Variants in GREB1 observed in about 807,000 individuals in gnomAD.
The protein encoded by GREB1 is protein GREB1.
GREB1 carries 106 observed loss-of-function variants against 200.7 expected under a neutral mutation model. The ratio of observed to expected loss-of-function variants is 0.53; its 90% CI spans 0.45 to 0.62. GREB1 has a LOEUF of 0.62. Among genes scored for constraint, GREB1 ranks in the 20% least tolerant of loss-of-function variants. GREB1 has a pLI of 0.00. For synonymous variants in GREB1, 1,132 were observed against 1,092.4 expected (o/e 1.04, Z -0.72); for missense variants, 2,243 against 2,556.8 (o/e 0.88, Z 2.65).
chr2:11,514,152 T>C (rs1324115770), intron 1 of GREB1, among the ~76,000 whole-genome samples: 1 of 152,132 alleles, frequency 6.6e-6, no homozygotes, highest in Non-Finnish European at 1.5e-5. Flanking sequence ...AAATGGTGTC[T>C]CCAAATCCCA....
chr2:11,635,346 A>G lies in GREB1; in HGVS notation c.5287A>G (p.Ser1763Gly). Residue 1763 changes from serine to glycine, a missense_variant, in exon 30 of 33, where the codon AGC becomes GGC. Ser to Gly is a moderately conservative substitution (Grantham distance 56). This residue lies in a region of GREB1 where 478 missense variants were observed against 616.3 expected (regional missense o/e 0.78). Coordinates refer to ENST00000381486, the MANE Select transcript of GREB1 (RefSeq NM_014668.4). The part of the protein sequence containing the change: ...GLLLCRFNRF[S>G]VMKKQIVVGG... Reference sequence around the variant, plus strand: ...CCTGCTCTGCCGGTTCAACCGCTTCAGCGTGATGAAGAAGCAGATCGTGGT... The same window carrying G: ...CCTGCTCTGCCGGTTCAACCGCTTCGGCGTGATGAAGAAGCAGATCGTGGT... 1 of 1,614,124 alleles carries G rather than the reference A, an allele frequency of 6.2e-7. No individual in the cohort carries two copies. Among genetic ancestry groups the G allele is most frequent in the Non-Finnish European group, 8.5e-7 (1 of 1,179,990 alleles).
At chr2:11,560,422 C>G (rs568484921) in intron 2 of GREB1, among the ~76,000 whole-genome samples, 1 of 152,078 alleles carries the variant, frequency 6.6e-6, no homozygotes, top group Non-Finnish European at 1.5e-5. Context: ...AGAAGCGGGC[C>G]GGGCATGGTG....
In GREB1 at chr2:11,597,527, C is replaced by T. The variant is rs1444727848; in HGVS notation, c.1955-254C>T. Among the ~76,000 whole-genome samples the T allele has an allele frequency of 6.6e-6, 1 of 152,184 alleles. No homozygotes were observed. The highest frequency in any genetic ancestry group is 2.4e-5 in the African/African-American group (1 of 41,428). On this transcript the variant is annotated intron_variant, in intron 13 of 32. Transcript: ENST00000381486. The surrounding 1 kb of genome is among the most constrained non-coding windows in gnomAD (Gnocchi z 4.1). ...TAAGCAGAAGAGACCACTGCCTCCA[C>T]TGTGCTCCCCAAGTGCTTGGTTCTT...
Position 11,618,648 on chromosome 2 carries a change from T to C in GREB1, c.3773T>C (p.Ile1258Thr), listed in dbSNP as rs1572157613. The change falls in exon 22 of 33, where the codon ATT (isoleucine) becomes ACT (threonine). Residue 1258 changes from isoleucine (I) to threonine (T), a missense_variant. This residue lies in a region of GREB1 where 587 missense variants were observed against 553.1 expected (regional missense o/e 1.06). Coordinates refer to ENST00000381486, the MANE Select transcript of GREB1 (RefSeq NM_014668.4). ...ACCAAGGCCTGCCGCCAGCCACCCA[T>C]TGTCTTCTTGCCCAAGCTCGTGTAC... ...SLTKACRQPP[I>T]VFLPKLVYDM... 2 of 1,613,634 alleles carry C rather than the reference T, an allele frequency of 1.2e-6. No homozygotes were observed. The highest frequency in any genetic ancestry group is 2.2e-5 in the East Asian group (1 of 44,860).
chr2:11,597,683 C>T lies in GREB1; in HGVS notation c.1955-98C>T, dbSNP rs557311699. The T allele has an allele frequency of 2.5e-5, 25 of 1,012,128 alleles. No homozygotes were observed. The highest frequency in any genetic ancestry group is 5.3e-5 in the South Asian group (4 of 75,860). 62.7% of individuals were successfully genotyped at this position (1,012,128 alleles called of 1,614,324 possible). On this transcript the variant is annotated intron_variant, in intron 13 of 32. Transcript: ENST00000381486. The surrounding 1 kb of genome is among the most constrained non-coding windows in gnomAD (Gnocchi z 4.1). Reference sequence around the variant, plus strand: ...TCCCTCATCGCTTTGTGAATGGGGCCGTCTCCCCTGGACAGGTCTCACTGA... The same window carrying T: ...TCCCTCATCGCTTTGTGAATGGGGCTGTCTCCCCTGGACAGGTCTCACTGA...
At chr2:11,611,781 A>G (rs985015574) in intron 18 of GREB1, among the ~76,000 whole-genome samples, 4 of 152,226 alleles carry the variant, frequency 2.6e-5, no homozygotes, top group Non-Finnish European at 4.4e-5. Context: ...CCTGGCCCAT[A>G]GTAGGTTCTC....
rs776534737 is a variant in GREB1 at position 11,598,662 on chromosome 2, A to T, written c.2153-18A>T. On this transcript the variant is annotated intron_variant, in intron 14 of 32. Coordinates refer to ENST00000381486, the MANE Select transcript of GREB1 (RefSeq NM_014668.4). Reference sequence around the variant, plus strand: ...TGCGCATGTTTGCAGTTACTGATGTATGTTCTTTGTGTTGCAGGGGTTTTG... The same window carrying T: ...TGCGCATGTTTGCAGTTACTGATGTTTGTTCTTTGTGTTGCAGGGGTTTTG... The T allele has an allele frequency of 3.0e-5, 49 of 1,612,396 alleles. 1 individual carries two copies. In the East Asian group the frequency reaches 1.0e-3, roughly 34 times the overall value.
At chr2:11,628,094 G>C (rs982083456) in intron 25 of GREB1, among the ~76,000 whole-genome samples, 6 of 152,154 alleles carry the variant, frequency 3.9e-5, no homozygotes, top group Admixed American at 3.3e-4. Flanking sequence ...TGCCTGGTGG[G>C]CACTGTGGGG....
In GREB1 at chr2:11,597,695, A is replaced by G. The variant is rs1235489607; in HGVS notation, c.1955-86A>G. ...TTGTGAATGGGGCCGTCTCCCCTGG[A>G]CAGGTCTCACTGATTCTCTGGCCAA... On this transcript the variant is annotated intron_variant, in intron 13 of 32. Transcript: ENST00000381486. The surrounding 1 kb of genome is among the most constrained non-coding windows in gnomAD (Gnocchi z 4.1). 8.5e-7 allele frequency: 1 copy of G among 1,174,552 alleles called. No individual in the cohort carries two copies. Among genetic ancestry groups the G allele is most frequent in the Non-Finnish European group, 1.3e-6 (1 of 782,742 alleles). The allele number at this position is 1,174,552 out of a possible 1,614,324, so 72.8% of individuals were successfully genotyped here. A position where few individuals can be genotyped will look rare whatever the true frequency, so the allele number is the denominator to read the frequency against.
upstream of GREB1, among the ~76,000 whole-genome samples, chr2:11,533,522 G>A (rs187337481): frequency 1.2e-4 from 19 of 152,300 alleles, no homozygotes; most frequent in African/African-American, 2.9e-4. Context: ...GCTCCACAGC[G>A]TCCCTGAGAC....
At chr2:11,514,303 T>G (rs1673429136) in intron 1 of GREB1, among the ~76,000 whole-genome samples, 1 of 150,642 alleles carries the variant, frequency 6.6e-6, no homozygotes, top group East Asian at 2.0e-4. Context: ...TACGTAAATA[T>G]GGAAAAAGTG....
chr2:11,587,737 A>ACG lies in GREB1; in HGVS notation c.1160-1008_1160-1007insGC, dbSNP rs1390303645. Reference sequence around the variant, plus strand: ...CACACACACACACACACACACACACACACACGCCACCTTTGGGAGCTCAGC... The same window carrying ACG: ...CACACACACACACACACACACACACACGCACACGCCACCTTTGGGAGCTCAGC... On this transcript the variant is annotated intron_variant, in intron 9 of 32. Transcript: ENST00000381486. The ACG allele has an allele frequency of 1.3e-3, 929 of 733,998 alleles. 58 individuals are homozygous for ACG. The highest frequency in any genetic ancestry group is 1.0e-2 in the African/African-American group (516 of 51,782). 45.5% of individuals were successfully genotyped at this position (733,998 alleles called of 1,614,324 possible). A position where few individuals can be genotyped will look rare whatever the true frequency, so the allele number is the denominator to read the frequency against.
At chr2:11,615,633 T>C (rs1336491623) in intron 20 of GREB1, among the ~76,000 whole-genome samples, 1 of 152,244 alleles carries the variant, frequency 6.6e-6, no homozygotes, top group Non-Finnish European at 1.5e-5. Context: ...GAGTTCCTCG[T>C]TCCACTCACT....
chr2:11,612,743 G>C, intron 19 of GREB1, 133 bp downstream of exon 19: 1 of 603,256 alleles, frequency 1.7e-6, no homozygotes, highest in South Asian at 2.0e-5. Context: ...CCCGTGGGTG[G>C]GGCCTTCATC....
In GREB1 at chr2:11,578,413, A is replaced by T; in HGVS notation, c.754A>T (p.Met252Leu). The T allele has an allele frequency of 6.2e-7, 1 of 1,613,858 alleles. No homozygotes were observed. Among genetic ancestry groups the T allele is most frequent in the Non-Finnish European group, 8.5e-7 (1 of 1,180,018 alleles). Residue 252 changes from methionine to leucine, a missense_variant, in exon 6 of 33, where the codon ATG becomes TTG. Met to Leu is a conservative substitution (Grantham distance 15). Around this residue, in one of 3 missense-constraint regions of GREB1, gnomAD observed 1,178 missense variants for 1,387.4 expected, o/e 0.85. Coordinates refer to ENST00000381486, the MANE Select transcript of GREB1 (RefSeq NM_014668.4). ...PVPGTNPSIL[M>L]GAQQAGPASD... is the part of the protein sequence containing the mutation. ...TCCTGGGACGAACCCCAGCATCCTGATGGGAGCTCAGCAGGCAGGTGAGGT... is the reference window on the plus strand; with the variant it reads ...TCCTGGGACGAACCCCAGCATCCTGTTGGGAGCTCAGCAGGCAGGTGAGGT...
rs1681492444 is a variant in GREB1 at position 11,598,736 on chromosome 2, C to G, written c.2209C>G (p.Gln737Glu). Residue 737 changes from glutamine (Q) to glutamate (E), a missense_variant, in exon 15 of 33, where the codon CAG becomes GAG. Gln to Glu is a conservative substitution (Grantham distance 29, BLOSUM62 2). Coordinates refer to ENST00000381486, the MANE Select transcript of GREB1 (RefSeq NM_014668.4). The stretch of plus-strand genomic sequence containing the variant: ...GCACATGACGAAGCAGAGGGTGGAA[C>G]AGTATGTTCTGAAGCTAGACACGGA... Reference protein sequence around the residue: ...KEHMTKQRVEQYVLKLDTEAQ... With the variant: ...KEHMTKQRVEEYVLKLDTEAQ... 1 of 1,614,082 alleles carries G rather than the reference C, an allele frequency of 6.2e-7. No homozygotes were observed. The highest frequency in any genetic ancestry group is 8.5e-7 in the Non-Finnish European group (1 of 1,180,016).
At chr2:11,585,702 G>A (rs1428314911) in intron 8 of GREB1, 60 bp from the exon 9 acceptor site, 2 of 1,591,792 alleles carry the variant, frequency 1.3e-6, no homozygotes, top group Non-Finnish European at 8.6e-7. Flanking sequence ...CCTGATGTCA[G>A]GTATGTGAGA....
At chr2:11,501,895 GTTTTTTTT>G (rs148843809) in intron 1 of GREB1, among the ~76,000 whole-genome samples, 2 of 45,564 alleles carry the variant, frequency 4.4e-5, no homozygotes, top group East Asian at 1.3e-3. Context: ...TGGATTTCCT[GTTTTTTTT>G]TGTTTTTTTT....
intron 1 of GREB1, among the ~76,000 whole-genome samples, chr2:11,509,197 T>G (rs1023286849): frequency 9.2e-5 from 14 of 152,132 alleles, no homozygotes; most frequent in Admixed American, 7.2e-4. Context: ...TCTGTAAGAA[T>G]TCCCCCTAAG....
Sources: gnomAD v4.1 joint callset for allele counts (sites outside exome capture counted in the v4.1 genomes callset) on GRCh38, gnomAD v4.1.1 for gene constraint, gnomAD v4.1.1 regional missense constraint, Gnocchi (gnomAD v3.1) non-coding constraint, MANE v1.5 for transcripts, NCBI Gene and HGNC (gene_info 2026-07-23, HGNC 2026-07-21) for gene names.